The following NPAS3 variants were observed in gnomAD, a reference collection of about 807,000 sequenced individuals.
The protein encoded by NPAS3 is neuronal PAS domain-containing protein 3.
A neutral mutation model predicts 73.1 loss-of-function variants in NPAS3; 14 were observed. The ratio of observed to expected loss-of-function variants is 0.19; its 90% CI spans 0.13 to 0.30. The LOEUF is 0.30. Ranked by LOEUF, NPAS3 falls within the 10% of genes least tolerant of loss-of-function variation. The probability of loss-of-function intolerance (pLI) is 1.00; values close to 1 mark genes in which losing one functional copy is unlikely to be tolerated. For missense variants in NPAS3, 1,096 were observed against 1,250.0 expected (o/e 0.88, Z 1.86); for synonymous variants, 620 against 541.5 (o/e 1.14, Z -2.01).
Position 33,063,588 on chromosome 14 carries a change from TGG to T in NPAS3, c.140+7595_140+7596del, listed in dbSNP as rs2041181340. Among the ~76,000 whole-genome samples, 3 of 152,312 alleles carry T rather than the reference TGG, an allele frequency of 2.0e-5. No homozygotes were observed. In the South Asian group the frequency reaches 6.2e-4, roughly 32 times the overall value. On this transcript the variant is annotated intron_variant, in intron 2 of 11. Coordinates refer to ENST00000356141, the Ensembl canonical transcript of NPAS3. Reference sequence around the variant, plus strand: ...TCCATTTTTGTAAATACAATTTTATTGGAAAATATCCATAACCATTTAGGTAT... The same window carrying T: ...TCCATTTTTGTAAATACAATTTTATTAAAATATCCATAACCATTTAGGTAT...
intron 1 of NPAS3, among the ~76,000 whole-genome samples, chr14:33,023,751 T>A (rs568201893): frequency 6.6e-6 from 1 of 152,316 alleles, no homozygotes; most frequent in East Asian, 1.9e-4. Flanking sequence ...CTTTTGTGTT[T>A]TTTAATATTG....
chr14:33,188,402 A>G (rs1346959596), intron 2 of NPAS3, among the ~76,000 whole-genome samples: 2 of 152,204 alleles, frequency 1.3e-5, no homozygotes, highest in African/African-American at 4.8e-5. Context: ...GAATGAAGAC[A>G]GGGACTATTA....
At chr14:33,157,207 A>C (rs879776807) in intron 2 of NPAS3, among the ~76,000 whole-genome samples, 12 of 152,220 alleles carry the variant, frequency 7.9e-5, no homozygotes, top group Non-Finnish European at 1.6e-4. Context: ...ATGCTGATCT[A>C]GAATTAAAGA....
intron 5 of NPAS3, among the ~76,000 whole-genome samples, chr14:33,631,794 G>A (rs1188991758): frequency 6.6e-6 from 1 of 152,034 alleles, no homozygotes; most frequent in Non-Finnish European, 1.5e-5. Flanking sequence ...GCATATTACA[G>A]TGACCCTTCC....
chr14:33,578,444 T>G lies in NPAS3; in HGVS notation c.558+18234T>G, dbSNP rs145183265. On this transcript the variant is annotated intron_variant, in intron 5 of 11. Coordinates refer to ENST00000356141, the Ensembl canonical transcript of NPAS3. ...CAAAACCTCAGGTGATCTGCCCGCC[T>G]CAGCCTCCCAAAGTGCTGGGATTAC... The G allele has an allele frequency of 1.3e-3, 441 of 345,768 alleles. 3 individuals carry two copies. Among genetic ancestry groups the G allele is most frequent in the African/African-American group, 8.9e-3 (407 of 45,988 alleles). 21.4% of individuals were successfully genotyped at this position (345,768 alleles called of 1,614,324 possible).
At chr14:33,799,890 G>A in exon 12 of NPAS3, 1 of 1,614,208 alleles carries the variant, frequency 6.2e-7, no homozygotes, top group South Asian at 1.1e-5. Flanking sequence ...AGCCGCGACA[G>A]CGACGACAGC....
intron 5 of NPAS3, among the ~76,000 whole-genome samples, chr14:33,632,280 A>G (rs1453717961): frequency 1.3e-5 from 2 of 152,198 alleles, no homozygotes; most frequent in Non-Finnish European, 2.9e-5. Context: ...CGGTATTCAT[A>G]AGAATCACCT....
At chr14:33,231,583 A>C (rs1468100762) in intron 3 of NPAS3, among the ~76,000 whole-genome samples, 1 of 152,218 alleles carries the variant, frequency 6.6e-6, no homozygotes, top group Non-Finnish European at 1.5e-5. Context: ...TCTAAAAATC[A>C]TAGAATTCAC....
rs527353799 is a variant in NPAS3 at position 33,095,678 on chromosome 14, T to A, written c.140+39684T>A. ...TCTGCTTTTATTTTTTTATTTTTTT[T>A]TTTTTTTTGAGAGGGAGTCTCGCTC... On this transcript the variant is annotated intron_variant, in intron 2 of 11. Transcript: ENST00000356141. 1.3e-3 allele frequency among the ~76,000 whole-genome samples: 177 copies of A among 140,816 alleles called. 2 individuals carry two copies. Among genetic ancestry groups the A allele is most frequent in the African/African-American group, 3.8e-3 (138 of 36,202 alleles). 92.4% of individuals were successfully genotyped at this position (140,816 alleles called of 152,430 possible).
At chr14:33,242,852 G>A (rs1367753739) in intron 3 of NPAS3, among the ~76,000 whole-genome samples, 2 of 152,084 alleles carry the variant, frequency 1.3e-5, no homozygotes, top group Admixed American at 1.3e-4. Flanking sequence ...TGCTCTTCAT[G>A]AAGTGCTATA....
At chr14:32,974,046 G>A (rs1595128252) in intron 1 of NPAS3, among the ~76,000 whole-genome samples, 1 of 152,174 alleles carries the variant, frequency 6.6e-6, no homozygotes, top group Non-Finnish European at 1.5e-5. Context: ...ATATTGCCTT[G>A]CACACAGTAA....
chr14:33,488,397 T>C (rs1411696445), intron 4 of NPAS3, among the ~76,000 whole-genome samples: 1 of 152,072 alleles, frequency 6.6e-6, no homozygotes, highest in Non-Finnish European at 1.5e-5. Flanking sequence ...CAAGTGCTTT[T>C]ACGCAGCCCC....
chr14:33,198,995 T>C (rs936869398), intron 2 of NPAS3, among the ~76,000 whole-genome samples: 4 of 152,146 alleles, frequency 2.6e-5, no homozygotes, highest in African/African-American at 9.6e-5. Flanking sequence ...AGCCCCACAC[T>C]GTCCGTGGCC....
intron 4 of NPAS3, among the ~76,000 whole-genome samples, chr14:33,461,237 G>T (rs2050251251): frequency 6.6e-6 from 1 of 152,182 alleles, no homozygotes; most frequent in African/African-American, 2.4e-5. Context: ...ATTCAGTGCT[G>T]AGCTAGCCAA....
intron 4 of NPAS3, among the ~76,000 whole-genome samples, chr14:33,524,077 A>G (rs2053681828): frequency 6.6e-6 from 1 of 152,132 alleles, no homozygotes; most frequent in African/African-American, 2.4e-5. Context: ...AAATTTTTTT[A>G]GGTTATCTTT....
At chr14:33,473,520 TA>T (rs2050882648) in intron 4 of NPAS3, among the ~76,000 whole-genome samples, 1 of 152,198 alleles carries the variant, frequency 6.6e-6, no homozygotes, top group Admixed American at 6.6e-5. Context: ...ATTGAGTACT[TA>T]CTAAGTGTCA....
At chr14:33,198,050 G>A (rs1374529315) in intron 2 of NPAS3, among the ~76,000 whole-genome samples, 3 of 149,380 alleles carry the variant, frequency 2.0e-5, no homozygotes, top group Non-Finnish European at 3.0e-5. Context: ...AAGGCAGTGC[G>A]TCTAGAGTTG....
chr14:33,470,356 T>G (rs1001531550), intron 4 of NPAS3, among the ~76,000 whole-genome samples: 3 of 152,130 alleles, frequency 2.0e-5, no homozygotes, highest in Non-Finnish European at 2.9e-5. Flanking sequence ...AACACAATCT[T>G]CCAGAGTTCA....
chr14:33,418,049 A>AT (rs35311275), intron 4 of NPAS3, among the ~76,000 whole-genome samples: 43 of 150,246 alleles, frequency 2.9e-4, no homozygotes, highest in Middle Eastern at 3.5e-3. Context: ...GCAATGCAGG[A>AT]TTTTTTTTTT....
Sources: allele counts gnomAD v4.1 joint callset (sites outside exome capture counted in the v4.1 genomes callset), GRCh38; gene constraint gnomAD v4.1.1; transcripts MANE v1.5; gene names NCBI Gene and HGNC (gene_info 2026-07-23, HGNC 2026-07-21).